NTM: variants seen among roughly 807,000 people sequenced by gnomAD.
NTM encodes IgLON family member 2.
In NTM, 13 loss-of-function variants were observed where a neutral mutation model predicts 42.1. The observed-to-expected ratio is 0.31, with a 90% CI of 0.20 to 0.49. The LOEUF is 0.49. Among genes scored for constraint, NTM ranks in the 20% least tolerant of loss-of-function variants. The probability of loss-of-function intolerance (pLI) is 0.99; values close to 1 mark genes in which losing one functional copy is unlikely to be tolerated. For missense variants in NTM, 373 were observed against 452.8 expected (o/e 0.82, Z 1.60); for synonymous variants, 187 against 179.2 (o/e 1.04, Z -0.35).
rs947177319 is a variant in NTM at position 131,875,958 on chromosome 11, G to A, written c.83-35606G>A. Among the ~76,000 whole-genome samples the A allele has an allele frequency of 9.2e-5, 14 of 152,206 alleles. 1 individual carries two copies. On this transcript the variant is annotated intron_variant, in intron 1 of 8. Transcript: ENST00000683400. ...GCGAGGAGCCTCCCAGGCTGAGGAG[G>A]GGCCCAGTGCAAGGGAGAGTCGGGC... is the stretch of plus-strand genomic sequence containing the variant.
intron 2 of NTM, among the ~76,000 whole-genome samples, chr11:131,924,648 G>A (rs2057704802): frequency 7.9e-6 from 1 of 126,576 alleles, no homozygotes; most frequent in Non-Finnish European, 1.7e-5. Context: ...TTGGAAACCT[G>A]TGTCCTGTTT....
At chr11:131,555,275 T>C (rs2055255452) in intron 1 of NTM, among the ~76,000 whole-genome samples, 4 of 152,236 alleles carry the variant, frequency 2.6e-5, no homozygotes, top group Admixed American at 6.5e-5. Context: ...TGGCAAGATA[T>C]ATTTATACTT....
At chr11:132,317,188 C>A (rs1591976580) in intron 7 of NTM, among the ~76,000 whole-genome samples, 1 of 152,282 alleles carries the variant, frequency 6.6e-6, no homozygotes, top group African/African-American at 2.4e-5. Flanking sequence ...TCTGAGAGTT[C>A]TGCTCCCGCA....
At chr11:131,736,660 C>T (rs999630901) in intron 1 of NTM, among the ~76,000 whole-genome samples, 4 of 152,130 alleles carry the variant, frequency 2.6e-5, no homozygotes, top group Admixed American at 2.0e-4. Flanking sequence ...CACTCCTTGG[C>T]AAGGCAGCCA....
chr11:132,285,745 C>G (rs10791221), intron 4 of NTM, among the ~76,000 whole-genome samples: 38,374 of 152,060 alleles, frequency 0.25, 5,754 homozygotes, highest in East Asian at 0.66. Context: ...GGTAGGACAT[C>G]AATCTTCCCC....
intron 1 of NTM, among the ~76,000 whole-genome samples, chr11:131,563,970 C>T (rs962224606): frequency 2.6e-5 from 4 of 152,150 alleles, no homozygotes; most frequent in African/African-American, 9.7e-5. Flanking sequence ...CCTGACTCTG[C>T]TCCCCAGACC....
chr11:131,944,152 C>T (rs1321659051), intron 2 of NTM, among the ~76,000 whole-genome samples: 2 of 152,160 alleles, frequency 1.3e-5, no homozygotes, highest in Admixed American at 1.3e-4. Context: ...ATAAATGCCA[C>T]TGGCTGGTGC....
intron 1 of NTM, chr11:131,535,764 C>G (rs1301621419): frequency 6.6e-5 from 10 of 152,196 alleles, no homozygotes; most frequent in Non-Finnish European, 1.5e-4. Flanking sequence ...AAAGAAAGGG[C>G]CTGGTCGAAT....
chr11:132,128,652 C>T (rs1359081981), intron 2 of NTM, among the ~76,000 whole-genome samples: 1 of 151,954 alleles, frequency 6.6e-6, no homozygotes, highest in East Asian at 1.9e-4. Context: ...TGGTGGCTCA[C>T]ACCTGTAATC....
intron 2 of NTM, among the ~76,000 whole-genome samples, chr11:132,092,561 G>T (rs2060496659): frequency 6.6e-6 from 1 of 152,174 alleles, no homozygotes. Context: ...AGTAACAGCA[G>T]TATTGGTGTC....
chr11:132,300,831 A>G (rs2094816470), intron 4 of NTM, among the ~76,000 whole-genome samples: 1 of 152,140 alleles, frequency 6.6e-6, no homozygotes, highest in Non-Finnish European at 1.5e-5. Context: ...CTTAAATACA[A>G]GTCTTCTTGT....
Position 131,751,779 on chromosome 11 carries a change from T to C in NTM, c.83-159785T>C, listed in dbSNP as rs376305454. ...GTCCCCCCCTCACCCCCCCCCAAAA[T>C]ATATACTTATTACCATTTGTAGCTA... On this transcript the variant is annotated intron_variant, in intron 1 of 8. Coordinates refer to ENST00000683400, the MANE Select transcript of NTM (RefSeq NM_001352005.2). 5.0e-4 allele frequency among the ~76,000 whole-genome samples: 48 copies of C among 96,518 alleles called. No homozygotes were observed. The South Asian group carries it at 0.016, about 33-fold the overall frequency. 63.3% of individuals were successfully genotyped at this position (96,518 alleles called of 152,430 possible). A position where few individuals can be genotyped will look rare whatever the true frequency, so the allele number is the denominator to read the frequency against.
chr11:131,845,824 A>G (rs2044834372), intron 1 of NTM, among the ~76,000 whole-genome samples: 1 of 152,038 alleles, frequency 6.6e-6, no homozygotes, highest in Non-Finnish European at 1.5e-5. Flanking sequence ...TTACCCGAGG[A>G]TTTTTCCTTC....
chr11:131,935,308 T>G (rs756882464), intron 2 of NTM, among the ~76,000 whole-genome samples: 23 of 152,328 alleles, frequency 1.5e-4, no homozygotes, highest in Non-Finnish European at 3.2e-4. Flanking sequence ...GAATTAAACA[T>G]GGACAACCTA....
chr11:131,913,172 A>G (rs991452226), intron 2 of NTM, among the ~76,000 whole-genome samples: 10 of 152,198 alleles, frequency 6.6e-5, no homozygotes, highest in Admixed American at 5.9e-4. Flanking sequence ...TAAATAAAAA[A>G]CCAAAAATAA....
At chr11:131,846,397 A>G (rs1200195183) in intron 1 of NTM, among the ~76,000 whole-genome samples, 3 of 151,958 alleles carry the variant, frequency 2.0e-5, no homozygotes, top group South Asian at 4.1e-4. Flanking sequence ...CCTTTGTTTT[A>G]TATATTCTTT....
At chr11:132,081,593 G>A (rs138478287) in intron 2 of NTM, among the ~76,000 whole-genome samples, 3,088 of 152,024 alleles carry the variant, frequency 0.02, 105 homozygotes, top group African/African-American at 0.072. Flanking sequence ...TTAGCCGGAC[G>A]TGGTGGCGGG....
chr11:131,418,140 G>T (rs923350177), intron 1 of NTM, among the ~76,000 whole-genome samples: 1 of 152,194 alleles, frequency 6.6e-6, no homozygotes, highest in Non-Finnish European at 1.5e-5. Flanking sequence ...AGGTAGCGAG[G>T]CCGGGATGAT....
chr11:131,921,507 A>G (rs957950910), intron 2 of NTM, among the ~76,000 whole-genome samples: 4 of 152,158 alleles, frequency 2.6e-5, no homozygotes, highest in Non-Finnish European at 5.9e-5. Flanking sequence ...TGGGCTCTAG[A>G]ACTGTGAGAC....
Sources: gnomAD v4.1 joint callset for allele counts (sites outside exome capture counted in the v4.1 genomes callset) on GRCh38, gnomAD v4.1.1 for gene constraint, MANE v1.5 for transcripts, NCBI Gene and HGNC (gene_info 2026-07-23, HGNC 2026-07-21) for gene names.